The following DNAJA3 variants were observed in gnomAD, a reference collection of about 807,000 sequenced individuals.
The protein encoded by DNAJA3 is dnaJ homolog subfamily A member 3, mitochondrial.
DNAJA3 carries 29 observed loss-of-function variants against 54.9 expected under a neutral mutation model. That is an observed-to-expected ratio of 0.53 (90% CI 0.39 to 0.72). DNAJA3 has a LOEUF of 0.72. DNAJA3 is among the 30% of genes least tolerant of loss of function. DNAJA3 has a pLI of 0.00. For missense variants in DNAJA3, 708 were observed against 639.4 expected (o/e 1.11, Z -1.16); for synonymous variants, 302 against 251.4 (o/e 1.20, Z -1.90).
intron 1 of DNAJA3, among the ~76,000 whole-genome samples, chr16:4,432,429 G>GC (rs2056716097): frequency 6.7e-6 from 1 of 149,322 alleles, no homozygotes; most frequent in Non-Finnish European, 1.5e-5. Flanking sequence ...TGCAACCTCT[G>GC]CCCCCCAGGT....
At chr16:4,440,967 GGTT>G (rs2056830064) in intron 3 of DNAJA3, 1 of 194,076 alleles carries the variant, frequency 5.2e-6, no homozygotes, top group Non-Finnish European at 1.1e-5. Context: ...CTGTTACTCC[GGTT>G]GTTCTGGCTT....
chr16:4,446,850 C>G lies in DNAJA3; in HGVS notation c.997-36C>G, dbSNP rs538999097. ...CAGCTGGTGTTTAGTCTGCAGTGGA[C>G]TTATCTTCACATGCATCTGTCATGT... On this transcript the variant is annotated intron_variant, in intron 7 of 11. Coordinates refer to ENST00000262375, the MANE Select transcript of DNAJA3 (RefSeq NM_005147.6). 3.7e-6 allele frequency: 6 copies of G among 1,611,338 alleles called. No homozygotes were observed. The Admixed American group carries it at 6.7e-5, about 18-fold the overall frequency.
At chr16:4,431,136 C>T (rs887328576) in intron 1 of DNAJA3, 1 of 152,224 alleles carries the variant, frequency 6.6e-6, no homozygotes, top group Admixed American at 6.6e-5. Flanking sequence ...TCTGTACTAA[C>T]TCCTGTCCGT....
intron 5 of DNAJA3, 43 bp downstream of exon 5, chr16:4,442,463 C>G: frequency 6.5e-7 from 1 of 1,530,168 alleles, no homozygotes; most frequent in Non-Finnish European, 8.8e-7. Context: ...GCTTGCACCA[C>G]TGACTGAGAA....
chr16:4,450,630 A>G, intron 10 of DNAJA3, 133 bp downstream of exon 10: 1 of 673,632 alleles, frequency 1.5e-6, no homozygotes, highest in Non-Finnish European at 2.4e-6. Flanking sequence ...CAGTTGAAAG[A>G]GGGGGGCTGT....
At chr16:4,429,843 A>C (rs2056673354) in intron 1 of DNAJA3, among the ~76,000 whole-genome samples, 1 of 152,058 alleles carries the variant, frequency 6.6e-6, no homozygotes, top group African/African-American at 2.4e-5. Flanking sequence ...TCAAAAAAAA[A>C]AAAATTAGCC....
chr16:4,443,862 A>T (rs2056869048), intron 6 of DNAJA3, among the ~76,000 whole-genome samples: 1 of 151,810 alleles, frequency 6.6e-6, no homozygotes. Context: ...AATTTTTTGT[A>T]TTTTTAGTAG....
At chr16:4,426,203 G>T in intron 1 of DNAJA3, 111 bp downstream of exon 1, 1 of 1,185,728 alleles carries the variant, frequency 8.4e-7, no homozygotes, top group Non-Finnish European at 1.1e-6. Flanking sequence ...GTCTTCCGAC[G>T]CGGATGCACA....
At chr16:4,429,283 C>G (rs1408386135) in intron 1 of DNAJA3, among the ~76,000 whole-genome samples, 1 of 151,748 alleles carries the variant, frequency 6.6e-6, no homozygotes, top group Non-Finnish European at 1.5e-5. Context: ...TCTTGACTCA[C>G]CGTGATCTCG....
chr16:4,436,504 G>A (rs528635974), intron 2 of DNAJA3, among the ~76,000 whole-genome samples: 2 of 152,156 alleles, frequency 1.3e-5, no homozygotes, highest in Non-Finnish European at 2.9e-5. Flanking sequence ...CAGCAGAGAC[G>A]TCTATTTATT....
At chr16:4,450,645 G>C (rs1019989282) in intron 10 of DNAJA3, 148 bp downstream of exon 10, 1 of 621,876 alleles carries the variant, frequency 1.6e-6, no homozygotes, top group Non-Finnish European at 2.7e-6. Context: ...GGCTGTGGGC[G>C]GGGACAGCGG....
At chr16:4,432,725 A>G (rs2056720467) in intron 1 of DNAJA3, among the ~76,000 whole-genome samples, 1 of 152,128 alleles carries the variant, frequency 6.6e-6, no homozygotes, top group African/African-American at 2.4e-5. Flanking sequence ...AGTCCCAGTT[A>G]CTTGGGAGGC....
intron 8 of DNAJA3, 68 bp from the exon 9 acceptor site, chr16:4,448,665 A>G (rs2056936314): frequency 4.7e-6 from 5 of 1,056,178 alleles, no homozygotes; most frequent in African/African-American, 1.6e-5. Context: ...GATTGTCTTC[A>G]TGTAGTGAAA....
Position 4,446,908 on chromosome 16 carries a change from G to T in DNAJA3, c.1019G>T (p.Arg340Leu). 6.2e-7 allele frequency: 1 copy of T among 1,614,078 alleles called. No individual in the cohort carries two copies. Among genetic ancestry groups the T allele is most frequent in the Non-Finnish European group, 8.5e-7 (1 of 1,180,020 alleles). The change falls in exon 8 of 12, where the codon CGG becomes CTG. Residue 340 changes from arginine (R) to leucine (L), a missense_variant. By Grantham distance (102) the Arg-to-Leu change is moderately radical. Transcript: ENST00000262375. ...TAGGTGCAGAAAAGCCCTGTGTTCC[G>T]GAGGGACGGCGCAGACATCCACTCC... ...TFRVQKSPVF[R>L]RDGADIHSDL...
At chr16:4,431,439 T>C (rs2056699460) in intron 1 of DNAJA3, among the ~76,000 whole-genome samples, 2 of 152,354 alleles carry the variant, frequency 1.3e-5, no homozygotes, top group Admixed American at 1.3e-4. Context: ...ATTTCTAATT[T>C]TAAGTATCCT....
chr16:4,450,525 C>G (rs753816175), intron 10 of DNAJA3, 28 bp downstream of exon 10: 5 of 1,557,536 alleles, frequency 3.2e-6, no homozygotes, highest in Non-Finnish European at 4.4e-6. Context: ...TACATGGTGA[C>G]ACGTGGGGGC....
chr16:4,449,217 C>T (rs1328076322), intron 9 of DNAJA3, among the ~76,000 whole-genome samples: 1 of 151,800 alleles, frequency 6.6e-6, no homozygotes, highest in Non-Finnish European at 1.5e-5. Flanking sequence ...AGAGTGGCCT[C>T]AATCTCCTGA....
At chr16:4,447,318 T>G in intron 8 of DNAJA3, 1 of 311,152 alleles carries the variant, frequency 3.2e-6, no homozygotes, top group South Asian at 5.1e-5. Flanking sequence ...CTCTCTGCAC[T>G]TGCTTCTGTC....
chr16:4,437,508 G>T, intron 3 of DNAJA3, 23 bp downstream of exon 3: 1 of 1,593,562 alleles, frequency 6.3e-7, no homozygotes, highest in South Asian at 1.1e-5. Flanking sequence ...CGGTGCATGC[G>T]GTCACTGCTG....
Sources: allele counts gnomAD v4.1 joint callset (sites outside exome capture counted in the v4.1 genomes callset), GRCh38; gene constraint gnomAD v4.1.1; transcripts MANE v1.5; gene names NCBI Gene and HGNC (gene_info 2026-07-23, HGNC 2026-07-21).